Variants in TRMT9B observed in about 807,000 individuals in gnomAD.
TRMT9B encodes tRNA methyltransferase 9B (putative).
A neutral mutation model predicts 11.5 loss-of-function variants in TRMT9B; 16 were observed. The ratio of observed to expected loss-of-function variants is 1.39; its 90% confidence interval spans 0.94 to 2.11. The LOEUF (loss-of-function observed/expected upper bound fraction) is 2.11, where lower values mean the gene tolerates loss of function less well. Ranked by LOEUF, TRMT9B falls within the 30% of genes most tolerant of loss-of-function variation. The pLI is 0.00. For missense variants in TRMT9B, 941 were observed against 553.8 expected (o/e 1.70, Z -7.02); for synonymous variants, 274 against 192.4 (o/e 1.42, Z -3.51).
chr8:12,996,292 T>A (rs1231834467), intron 2 of TRMT9B, among the ~76,000 whole-genome samples: 1 of 152,216 alleles, frequency 6.6e-6, no homozygotes, highest in Non-Finnish European at 1.5e-5. Context: ...ATTTCCTTCC[T>A]CTCATCATAC....
intron 2 of TRMT9B, among the ~76,000 whole-genome samples, chr8:12,999,024 G>C (rs964763141): frequency 6.6e-6 from 1 of 152,036 alleles, no homozygotes; most frequent in Non-Finnish European, 1.5e-5. Context: ...TCAGGGGCTG[G>C]GCGCAGTGGC....
At chr8:12,997,086 G>A (rs985515229) in intron 2 of TRMT9B, among the ~76,000 whole-genome samples, 8 of 151,182 alleles carry the variant, frequency 5.3e-5, no homozygotes, top group African/African-American at 1.9e-4. Flanking sequence ...GTATTCTTTT[G>A]TGGACTTCCC....
At chr8:13,009,500 C>G (rs1002856804) in intron 3 of TRMT9B, among the ~76,000 whole-genome samples, 21 of 152,152 alleles carry the variant, frequency 1.4e-4, no homozygotes, top group African/African-American at 5.1e-4. Context: ...CCATCCCAGT[C>G]CCTGGCGCCA....
At chr8:12,958,649 GA>G (rs1380436242) in intron 1 of TRMT9B, 3 of 153,364 alleles carry the variant, frequency 2.0e-5, no homozygotes, top group Non-Finnish European at 2.9e-5. Flanking sequence ...CTAGCATCTA[GA>G]ATGTCAGAAT....
chr8:12,983,020 A>T (rs1372361309), intron 1 of TRMT9B, among the ~76,000 whole-genome samples: 1 of 152,206 alleles, frequency 6.6e-6, no homozygotes, highest in Admixed American at 6.5e-5. Context: ...GATGCCCCAC[A>T]TGGGGCCAAG....
At chr8:12,951,703 C>T (rs950929807) in intron 1 of TRMT9B, 2 of 151,804 alleles carry the variant, frequency 1.3e-5, no homozygotes, top group Admixed American at 6.6e-5. Context: ...GAAGGCGGCC[C>T]GGGGAGGCGG....
chr8:12,975,452 C>G (rs1199184056), intron 1 of TRMT9B, among the ~76,000 whole-genome samples: 2 of 152,010 alleles, frequency 1.3e-5, no homozygotes, highest in Non-Finnish European at 2.9e-5. Flanking sequence ...ATTGATGTTT[C>G]TAGGGGAGGT....
At chr8:12,976,140 G>A (rs539098232) in intron 1 of TRMT9B, among the ~76,000 whole-genome samples, 25 of 152,280 alleles carry the variant, frequency 1.6e-4, no homozygotes, top group African/African-American at 5.1e-4. Flanking sequence ...ACAGTCAGTC[G>A]GACCAGGACC....
intron 2 of TRMT9B, among the ~76,000 whole-genome samples, chr8:13,005,870 G>C (rs1318928212): frequency 2.0e-5 from 3 of 152,194 alleles, no homozygotes; most frequent in African/African-American, 7.2e-5. Context: ...AGATACAATG[G>C]TCTTATCCAA....
At chr8:12,964,081 G>A (rs989456261) in intron 1 of TRMT9B, among the ~76,000 whole-genome samples, 9 of 152,158 alleles carry the variant, frequency 5.9e-5, no homozygotes, top group African/African-American at 2.2e-4. Flanking sequence ...AATTTAGGAT[G>A]CCCTAAAACA....
intron 1 of TRMT9B, among the ~76,000 whole-genome samples, chr8:12,946,887 TGAGAAGG>T (rs1800295060): frequency 6.6e-6 from 1 of 152,124 alleles, no homozygotes; most frequent in African/African-American, 2.4e-5. Context: ...CTATGTACCT[TGAGAAGG>T]TCTTCCAGGT....
intron 2 of TRMT9B, among the ~76,000 whole-genome samples, chr8:12,994,245 G>A (rs1321258253): frequency 6.6e-6 from 1 of 152,152 alleles, no homozygotes; most frequent in East Asian, 1.9e-4. Context: ...GCTTGGGAAC[G>A]GATCAGGTAT....
chr8:12,987,254 TA>T (rs1806475952), intron 1 of TRMT9B, among the ~76,000 whole-genome samples: 1 of 152,218 alleles, frequency 6.6e-6, no homozygotes, highest in African/African-American at 2.4e-5. Flanking sequence ...GTTCCTATAT[TA>T]TATAGTTATT....
intron 1 of TRMT9B, among the ~76,000 whole-genome samples, chr8:12,976,422 A>T (rs1305587668): frequency 6.6e-6 from 1 of 151,246 alleles, no homozygotes; most frequent in Non-Finnish European, 1.5e-5. Flanking sequence ...ACGTTGTGTG[A>T]GATACTATAT....
intron 2 of TRMT9B, among the ~76,000 whole-genome samples, chr8:13,001,521 A>T (rs1809453604): frequency 6.6e-6 from 1 of 152,228 alleles, no homozygotes; most frequent in Admixed American, 6.5e-5. Context: ...CATGAATGAA[A>T]AAGGATGATC....
chr8:12,978,514 TAGATGATA>T (rs1339439543), intron 1 of TRMT9B, among the ~76,000 whole-genome samples: 15 of 12,012 alleles, frequency 1.2e-3, no homozygotes, highest in Non-Finnish European at 2.6e-3. Flanking sequence ...AGATGATAGA[TAGATGATA>T]GATAGATAGA....
At chr8:12,982,377 C>G (rs1347419653) in intron 1 of TRMT9B, among the ~76,000 whole-genome samples, 3 of 152,158 alleles carry the variant, frequency 2.0e-5, no homozygotes, top group Non-Finnish European at 4.4e-5. Context: ...AATACATAAT[C>G]AGGGTCAGAC....
chr8:12,982,613 G>C (rs1805594733), intron 1 of TRMT9B, among the ~76,000 whole-genome samples: 2 of 151,558 alleles, frequency 1.3e-5, no homozygotes, highest in African/African-American at 4.9e-5. Context: ...AGTGAGCCGA[G>C]ATTGCGCCAC....
intron 1 of TRMT9B, among the ~76,000 whole-genome samples, chr8:12,977,418 C>G (rs942348973): frequency 6.6e-6 from 1 of 152,100 alleles, no homozygotes; most frequent in African/African-American, 2.4e-5. Context: ...TAAAAATATT[C>G]TTGGCCGGGC....
Sources: gnomAD v4.1 joint callset for allele counts (sites outside exome capture counted in the v4.1 genomes callset) on GRCh38, gnomAD v4.1.1 for gene constraint, MANE v1.5 for transcripts, NCBI Gene and HGNC (gene_info 2026-07-23, HGNC 2026-07-21) for gene names.